PNPT1: variants seen among roughly 807,000 people sequenced by gnomAD.
PNPT1 encodes the protein polyribonucleotide nucleotidyltransferase 1.
Under a neutral mutation model 119.5 loss-of-function variants are expected in PNPT1, and 53 were observed. The observed-to-expected ratio is 0.44, with a 90% confidence interval of 0.36 to 0.56. PNPT1 has a LOEUF of 0.56. Among genes scored for constraint, PNPT1 ranks in the 20% least tolerant of loss-of-function variants. The probability of loss-of-function intolerance (pLI) is 0.00; values close to 1 mark genes in which losing one functional copy is unlikely to be tolerated. For missense variants in PNPT1, 948 were observed against 938.5 expected (o/e 1.01, Z -0.13); for synonymous variants, 357 against 322.1 (o/e 1.11, Z -1.16).
At position 55,635,083 on chromosome 2, in the gene PNPT1, C is replaced by T. The variant is rs1695625426; in HGVS notation, c.*1154G>A. On this transcript the variant is annotated 3_prime_UTR_variant, in exon 28 of 28. Coordinates refer to ENST00000447944, the MANE Select transcript of PNPT1 (RefSeq NM_033109.5). ...TTTTATAAGATTTTAAAAAAGATTA[C>T]ACATTCTAAATTATGACGTCCACAT... is the stretch of plus-strand genomic sequence containing the variant. 6.6e-6 allele frequency: 1 copy of T among 152,110 alleles called. No homozygotes were observed. Among genetic ancestry groups the T allele is most frequent in the African/African-American group, 2.4e-5 (1 of 41,408 alleles). 9.4% of individuals were successfully genotyped at this position (152,110 alleles called of 1,614,324 possible).
At chr2:55,661,654 C>G (rs766160205) in intron 14 of PNPT1, among the ~76,000 whole-genome samples, 14 of 152,184 alleles carry the variant, frequency 9.2e-5, no homozygotes, top group Non-Finnish European at 1.6e-4. Context: ...ATAGAAAAAC[C>G]AATCCATTCA....
intron 14 of PNPT1, among the ~76,000 whole-genome samples, chr2:55,660,544 G>A (rs1449061085): frequency 1.3e-5 from 2 of 152,216 alleles, no homozygotes; most frequent in African/African-American, 4.8e-5. Context: ...GAGCTACAAT[G>A]CTTCTCCCAG....
At chr2:55,668,606 C>CT (rs1041424019) in intron 11 of PNPT1, among the ~76,000 whole-genome samples, 36 of 147,854 alleles carry the variant, frequency 2.4e-4, no homozygotes, top group Middle Eastern at 3.5e-3. Flanking sequence ...GTCTGACAGT[C>CT]TTTTTTTTTT....
chr2:55,667,936 T>C lies in PNPT1; in HGVS notation c.999A>G (p.Pro333=), dbSNP rs780916931. The C allele has an allele frequency of 3.2e-6, 5 of 1,578,814 alleles. No individual in the cohort carries two copies. The highest frequency in any genetic ancestry group is 3.4e-6 in the Non-Finnish European group (4 of 1,171,388). ...CATTGAAGGATTCTATTATTTCATATGGATCGGCTTCTGGAAATTTTTCTA... is the reference window on the plus strand; with the variant it reads ...CATTGAAGGATTCTATTATTTCATACGGATCGGCTTCTGGAAATTTTTCTA... ...QLKEKFPEAD[P]YEIIESFNVV... is the part of the protein sequence containing the mutation. The change falls in exon 12 of 28, where the codon CCA becomes CCG. Residue 333 remains proline, a synonymous_variant. Transcript: ENST00000447944.
chr2:55,642,808 A>G (rs1170072759), intron 25 of PNPT1, among the ~76,000 whole-genome samples: 1 of 151,938 alleles, frequency 6.6e-6, no homozygotes, highest in East Asian at 1.9e-4. Context: ...TGGGATTATA[A>G]TAGGAATCTG....
At chr2:55,659,500 C>T (rs1363660931) in intron 15 of PNPT1, among the ~76,000 whole-genome samples, 1 of 150,540 alleles carries the variant, frequency 6.6e-6, no homozygotes, top group African/African-American at 2.5e-5. Context: ...TTTTGTTTGA[C>T]AGACGTGTAT....
chr2:55,668,473 G>A (rs1238051862), intron 11 of PNPT1, among the ~76,000 whole-genome samples: 2 of 152,196 alleles, frequency 1.3e-5, no homozygotes, highest in African/African-American at 4.8e-5. Flanking sequence ...CCTGAAGTCA[G>A]GCAATCTGTC....
chr2:55,690,670 A>G (rs782580), intron 1 of PNPT1, among the ~76,000 whole-genome samples: 141,466 of 152,286 alleles, frequency 0.93, 66,253 homozygotes, highest in African/African-American at 0.96. Flanking sequence ...ATTTTGTAGT[A>G]TCAAATTCTT....
chr2:55,671,946 A>G (rs1334664980), intron 10 of PNPT1, 49 bp downstream of exon 10: 7 of 1,397,164 alleles, frequency 5.0e-6, no homozygotes, highest in Non-Finnish European at 6.9e-6. Context: ...GTTATGACAA[A>G]AATGTATTCC....
rs1277714201 is a variant in PNPT1, at chr2:55,660,178, T to C, written c.1263A>G (p.Lys421=). The C allele has an allele frequency of 6.3e-7, 1 of 1,591,128 alleles. No homozygotes were observed. Among genetic ancestry groups the C allele is most frequent in the African/African-American group, 1.3e-5 (1 of 74,092 alleles). Residue 421 remains lysine, a synonymous_variant, in exon 15 of 28, where the codon AAA becomes AAG. Coordinates refer to ENST00000447944, the MANE Select transcript of PNPT1 (RefSeq NM_033109.5). ...VITAINGIKD[K]NFMLHYEFPP... ...TTACCTCGTAGTGCAGCATGAAATT[T>C]TTATCTTTTATCCCACTAAAAATAA...
intron 4 of PNPT1, among the ~76,000 whole-genome samples, chr2:55,684,454 ACT>A (rs1697336466): frequency 6.6e-6 from 1 of 152,102 alleles, no homozygotes; most frequent in African/African-American, 2.4e-5. Context: ...ACAGAGCAAG[ACT>A]CTGTCTCAAA....
chr2:55,683,056 G>A (rs952178222), intron 5 of PNPT1, among the ~76,000 whole-genome samples: 1 of 152,194 alleles, frequency 6.6e-6, no homozygotes, highest in Non-Finnish European at 1.5e-5. Flanking sequence ...GTATTATTCA[G>A]GAAGTATTAA....
rs747122326 is a variant in PNPT1 at position 55,660,163 on chromosome 2, G to C, written c.1278C>G (p.His426Gln). 19 of 1,590,734 alleles carry C rather than the reference G, an allele frequency of 1.2e-5. No homozygotes were observed. The highest frequency in any genetic ancestry group is 1.5e-5 in the Non-Finnish European group (18 of 1,169,236). Residue 426 changes from histidine to glutamine, a missense_variant, in exon 15 of 28, where the codon CAC (histidine) becomes CAG (glutamine). His to Gln is a conservative substitution (Grantham distance 24). Coordinates refer to ENST00000447944, the MANE Select transcript of PNPT1 (RefSeq NM_033109.5). ...NGIKDKNFMLHYEFPPYATNE... is the reference protein window; with the variant it reads ...NGIKDKNFMLQYEFPPYATNE... Reference sequence around the variant, plus strand: ...GGAAAAAAATTCACCTTACCTCGTAGTGCAGCATGAAATTTTTATCTTTTA... The same window carrying C: ...GGAAAAAAATTCACCTTACCTCGTACTGCAGCATGAAATTTTTATCTTTTA...
chr2:55,642,204 GA>G (rs199539878), intron 25 of PNPT1, among the ~76,000 whole-genome samples: 11 of 149,636 alleles, frequency 7.4e-5, no homozygotes, highest in East Asian at 3.9e-4. Context: ...GCCATCAAAA[GA>G]AAAAAAAAGA....
At chr2:55,669,828 A>G (rs2104115765) in intron 11 of PNPT1, among the ~76,000 whole-genome samples, 1 of 147,518 alleles carries the variant, frequency 6.8e-6, no homozygotes, top group Non-Finnish European at 1.5e-5. Flanking sequence ...TGGCGGTCTC[A>G]GCTCACTACA....
chr2:55,674,002 C>T lies in PNPT1; in HGVS notation c.680-923G>A, dbSNP rs1329465754. On this transcript the variant is annotated intron_variant, in intron 8 of 27. Coordinates refer to ENST00000447944, the MANE Select transcript of PNPT1 (RefSeq NM_033109.5). ...CCTCCTAAAGTGCTGGGATTACAGG[C>T]GTGAGCCACCGCTCCTGGCAATACA... 3.9e-5 allele frequency among the ~76,000 whole-genome samples: 6 copies of T among 152,080 alleles called. No homozygotes were observed. The South Asian group carries it at 6.2e-4, about 16-fold the overall frequency.
chr2:55,672,966 C>G lies in PNPT1; in HGVS notation c.793G>C (p.Glu265Gln). 6.2e-7 allele frequency: 1 copy of G among 1,613,564 alleles called. No individual in the cohort carries two copies. The highest frequency in any genetic ancestry group is 8.5e-7 in the Non-Finnish European group (1 of 1,179,864). Residue 265 changes from glutamate (E) to glutamine (Q), a missense_variant, in exon 9 of 28, where the codon GAA becomes CAA. Physicochemically the swap from Glu to Gln is conservative, Grantham distance 29. Coordinates refer to ENST00000447944, the MANE Select transcript of PNPT1 (RefSeq NM_033109.5). ...IIQGIQQLVKETGVTKRTPQK... is the reference protein window; with the variant it reads ...IIQGIQQLVKQTGVTKRTPQK... Reference sequence around the variant, plus strand: ...GGTGTCCTCTTGGTAACACCAGTTTCTTTTACCAACTGCTGAATGCCCTGA... The same window carrying G: ...GGTGTCCTCTTGGTAACACCAGTTTGTTTTACCAACTGCTGAATGCCCTGA...
intron 1 of PNPT1, among the ~76,000 whole-genome samples, chr2:55,691,867 TATATATATA>T (rs1307335508): frequency 8.7e-4 from 13 of 14,858 alleles, no homozygotes; most frequent in African/African-American, 1.8e-3. Flanking sequence ...TATATATATA[TATATATATA>T]TATTTTTTTT....
chr2:55,651,101 C>T (rs573156497), intron 18 of PNPT1, among the ~76,000 whole-genome samples: 4 of 148,186 alleles, frequency 2.7e-5, no homozygotes, highest in South Asian at 2.1e-4. Context: ...CCCAGCCAGC[C>T]GCCCCGTCCG....
Sources: gnomAD v4.1 joint callset for allele counts (sites outside exome capture counted in the v4.1 genomes callset) on GRCh38, gnomAD v4.1.1 for gene constraint, MANE v1.5 for transcripts, NCBI Gene and HGNC (gene_info 2026-07-23, HGNC 2026-07-21) for gene names.